Variants in CDK14 observed in about 807,000 individuals in gnomAD.
CDK14 encodes the protein cyclin-dependent kinase 14.
A neutral mutation model predicts 60.7 loss-of-function variants in CDK14; 34 were observed. The observed-to-expected ratio is 0.56, with a 90% CI of 0.43 to 0.75. CDK14 has a LOEUF of 0.75. Among genes scored for constraint, CDK14 ranks in the 30% least tolerant of loss-of-function variants. The pLI, the probability that CDK14 is intolerant of heterozygous loss-of-function variation, is 0.00. For missense variants in CDK14, 482 were observed against 564.1 expected (o/e 0.85, Z 1.47); for synonymous variants, 197 against 203.7 (o/e 0.97, Z 0.28).
chr7:91,192,925 G>A (rs1802415366), intron 14 of CDK14, among the ~76,000 whole-genome samples: 1 of 152,158 alleles, frequency 6.6e-6, no homozygotes, highest in Non-Finnish European at 1.5e-5. Context: ...TCATCAGATA[G>A]CCTGATCCGG....
rs766082964 is a variant in CDK14, at chr7:90,984,204, T to C, written c.1004T>C (p.Met335Thr). 3 of 1,612,854 alleles carry C rather than the reference T, an allele frequency of 1.9e-6. No homozygotes were observed. The highest frequency in any genetic ancestry group is 4.5e-5 in the East Asian group (2 of 44,824). Reference protein sequence around the residue: ...MIQGVAAFPGMKDIQDQLERI... With the variant: ...MIQGVAAFPGTKDIQDQLERI... ...CAAGGAGTTGCTGCTTTTCCAGGAA[T>C]GAAAGACATTCAGGATCAACTTGAA... The change falls in exon 10 of 15, where the codon ATG becomes ACG. Residue 335 changes from methionine (M) to threonine (T), a missense_variant. Met to Thr is a moderately conservative substitution (Grantham distance 81, BLOSUM62 -1). Coordinates refer to ENST00000380050, the MANE Select transcript of CDK14 (RefSeq NM_001287135.2).
chr7:90,952,805 A>G (rs1435339430), intron 8 of CDK14, among the ~76,000 whole-genome samples: 1 of 152,222 alleles, frequency 6.6e-6, no homozygotes, highest in Non-Finnish European at 1.5e-5. Context: ...GAAAGCTTTC[A>G]CACATGCTGT....
intron 12 of CDK14, among the ~76,000 whole-genome samples, chr7:91,109,969 T>C (rs1799425381): frequency 6.6e-6 from 1 of 152,034 alleles, no homozygotes; most frequent in Non-Finnish European, 1.5e-5. Context: ...CAAAAATTGA[T>C]GGAATTCCAA....
At chr7:90,878,928 C>CAAATG (rs1475337425) in intron 6 of CDK14, among the ~76,000 whole-genome samples, 1 of 152,146 alleles carries the variant, frequency 6.6e-6, no homozygotes, top group African/African-American at 2.4e-5. Flanking sequence ...TAAGTATTGA[C>CAAATG]AGTGAAGAAA....
At chr7:90,606,192 A>G (rs917429381) in intron 2 of CDK14, among the ~76,000 whole-genome samples, 7 of 152,210 alleles carry the variant, frequency 4.6e-5, no homozygotes, top group East Asian at 1.9e-4. Flanking sequence ...AGAAGGGGCA[A>G]GTCATTTCCA....
chr7:90,916,328 GACCAAC>G (rs1793081665), intron 7 of CDK14, among the ~76,000 whole-genome samples: 1 of 152,274 alleles, frequency 6.6e-6, no homozygotes, highest in East Asian at 1.9e-4. Flanking sequence ...TTTTAATCTT[GACCAAC>G]ACAGATCAGA....
chr7:91,025,800 T>G (rs553263444), intron 10 of CDK14, among the ~76,000 whole-genome samples: 1 of 152,354 alleles, frequency 6.6e-6, no homozygotes, highest in East Asian at 1.9e-4. Context: ...TTTCTTCCTT[T>G]TTCAGTTTAA....
intron 5 of CDK14, among the ~76,000 whole-genome samples, chr7:90,821,268 G>A (rs1789537511): frequency 6.6e-6 from 1 of 152,170 alleles, no homozygotes; most frequent in Non-Finnish European, 1.5e-5. Context: ...GCAGGGTTGG[G>A]CAGAGAGAGT....
intron 4 of CDK14, among the ~76,000 whole-genome samples, chr7:90,754,996 G>A (rs764329190): frequency 5.9e-5 from 9 of 152,060 alleles, no homozygotes; most frequent in South Asian, 2.1e-4. Context: ...AAAAGGGAAC[G>A]CTTATACACT....
intron 4 of CDK14, among the ~76,000 whole-genome samples, chr7:90,784,289 A>T (rs1805474265): frequency 6.6e-6 from 1 of 152,160 alleles, no homozygotes; most frequent in Admixed American, 6.6e-5. Flanking sequence ...GATGGAGGAT[A>T]AAGAGGGGTT....
chr7:90,746,376 A>G (rs925669743), intron 3 of CDK14, among the ~76,000 whole-genome samples: 1 of 152,148 alleles, frequency 6.6e-6, no homozygotes, highest in Non-Finnish European at 1.5e-5. Context: ...TTGCCCACAT[A>G]TTGTGTGTTT....
chr7:90,598,143 A>G (rs1028947265), intron 1 of CDK14, among the ~76,000 whole-genome samples: 2 of 152,216 alleles, frequency 1.3e-5, no homozygotes, highest in African/African-American at 4.8e-5. Context: ...GTGTTCTAAA[A>G]CACATTAACT....
intron 7 of CDK14, among the ~76,000 whole-genome samples, chr7:90,901,487 G>C (rs1480049230): frequency 6.6e-6 from 1 of 152,040 alleles, no homozygotes; most frequent in East Asian, 1.9e-4. Context: ...CTTAAAAGCA[G>C]CAAAATGTAT....
At chr7:91,176,515 C>G (rs1378846775) in intron 14 of CDK14, among the ~76,000 whole-genome samples, 1 of 152,100 alleles carries the variant, frequency 6.6e-6, no homozygotes, top group Admixed American at 6.5e-5. Flanking sequence ...TTAATGAATC[C>G]AGGAGCTGGT....
intron 2 of CDK14, among the ~76,000 whole-genome samples, chr7:90,641,782 A>G (rs1800343183): frequency 6.6e-6 from 1 of 152,104 alleles, no homozygotes; most frequent in Non-Finnish European, 1.5e-5. Flanking sequence ...TTATTAGTTC[A>G]TTTTCACACT....
Position 90,821,452 on chromosome 7 carries a change from C to T in CDK14, c.544+30800C>T, listed in dbSNP as rs556728084. On this transcript the variant is annotated intron_variant, in intron 5 of 14. Transcript: ENST00000380050. The stretch of plus-strand genomic sequence containing the variant: ...TCAGAGTCCCTCTAATTTCTTTGTT[C>T]GTGTGGCTGTCCTTTGCTCTGTAAC... Among the ~76,000 whole-genome samples, 4 of 152,314 alleles carry T rather than the reference C, an allele frequency of 2.6e-5. No individual in the cohort carries two copies. The South Asian group carries it at 6.2e-4, about 24-fold the overall frequency.
chr7:90,653,336 C>T (rs1230836300), intron 2 of CDK14, among the ~76,000 whole-genome samples: 1 of 151,956 alleles, frequency 6.6e-6, no homozygotes, highest in East Asian at 1.9e-4. Context: ...ACCTCTGTGA[C>T]CCGTTTTAAT....
chr7:91,038,771 A>T (rs2115986053), intron 10 of CDK14, among the ~76,000 whole-genome samples: 1 of 152,320 alleles, frequency 6.6e-6, no homozygotes. Flanking sequence ...TTCTCGTAAT[A>T]GTGAATGAGT....
chr7:91,013,818 A>G (rs1416371893), intron 10 of CDK14, among the ~76,000 whole-genome samples: 1 of 152,052 alleles, frequency 6.6e-6, no homozygotes, highest in Non-Finnish European at 1.5e-5. Flanking sequence ...TGAAGACTCA[A>G]TCTGAAGAGG....
Sources: gnomAD v4.1 joint callset for allele counts (sites outside exome capture counted in the v4.1 genomes callset) on GRCh38, gnomAD v4.1.1 for gene constraint, MANE v1.5 for transcripts, NCBI Gene and HGNC (gene_info 2026-07-23, HGNC 2026-07-21) for gene names.